Variants in MTMR10 observed in about 807,000 individuals in gnomAD.
The protein encoded by MTMR10 is myotubularin-related protein 10.
A neutral mutation model predicts 88.1 loss-of-function variants in MTMR10; 56 were observed. That is an observed-to-expected ratio of 0.64 (90% CI 0.51 to 0.79). The LOEUF (loss-of-function observed/expected upper bound fraction) is 0.79. Among genes scored for constraint, MTMR10 ranks in the 30% least tolerant of loss-of-function variants. The pLI is 0.00. For missense variants in MTMR10, 883 were observed against 924.7 expected (o/e 0.95, Z 0.58); for synonymous variants, 380 against 340.9 (o/e 1.11, Z -1.26).
intron 2 of MTMR10, among the ~76,000 whole-genome samples, chr15:30,980,417 T>TAGATTAAGAGTTTGAGATAGC (rs1467242382): frequency 2.0e-5 from 3 of 152,194 alleles, no homozygotes; most frequent in Non-Finnish European, 4.4e-5. Flanking sequence ...CCCGAGGGGC[T>TAGATTAAGAGTTTGAGATAGC]AGATTAAGAG....
chr15:30,953,703 A>C, intron 10 of MTMR10, 72 bp from the exon 11 acceptor site: 1 of 975,128 alleles, frequency 1.0e-6, no homozygotes, highest in Non-Finnish European at 1.5e-6. Context: ...AAAGAGATAC[A>C]TCAGTTTCTA....
At chr15:30,956,751 TTAA>T (rs2063333150) in intron 9 of MTMR10, among the ~76,000 whole-genome samples, 2 of 152,252 alleles carry the variant, frequency 1.3e-5, no homozygotes, top group Admixed American at 6.5e-5. Context: ...AATTTTCAGC[TTAA>T]TAAATCACTG....
intron 9 of MTMR10, chr15:30,956,449 T>A (rs1372996560): frequency 6.6e-6 from 1 of 152,164 alleles, no homozygotes; most frequent in African/African-American, 2.4e-5. Context: ...ACAGGCTACT[T>A]TAGGTCACAT....
chr15:30,939,980 A>G lies in MTMR10; in HGVS notation c.*1490T>C. ...CTGTTATATCCAGAGACATTATCAA[A>G]TTTTAAAAGGCAAATAATTCAAAAA... On this transcript the variant is annotated 3_prime_UTR_variant, in exon 16 of 16. Transcript: ENST00000435680. 1 of 980,846 alleles carries G rather than the reference A, an allele frequency of 1.0e-6. No homozygotes were observed. Among genetic ancestry groups the G allele is most frequent in the African/African-American group, 1.7e-5 (1 of 57,270 alleles). The allele number at this position is 980,846 out of a possible 1,614,324, so 60.8% of individuals were successfully genotyped here.
At chr15:30,946,963 C>G in intron 14 of MTMR10, 167 bp downstream of exon 14, 1 of 890,496 alleles carries the variant, frequency 1.1e-6, no homozygotes, top group Non-Finnish European at 1.6e-6. Context: ...AAATAATTTC[C>G]TAGATTTTTG....
chr15:30,960,652 A>AAC (rs2063389009), intron 7 of MTMR10, among the ~76,000 whole-genome samples: 1 of 152,230 alleles, frequency 6.6e-6, no homozygotes, highest in South Asian at 2.1e-4. Context: ...TAATGCAATA[A>AAC]ACACTGACTA....
At chr15:30,935,423 T>C (rs1000544054), downstream of MTMR10, among the ~76,000 whole-genome samples, 4 of 152,168 alleles carry the variant, frequency 2.6e-5, no homozygotes, top group African/African-American at 9.7e-5. Context: ...GATGCAACCA[T>C]GGACTGAAAG....
In MTMR10 at chr15:30,991,428, G is replaced by A. The variant is rs1290737628; in HGVS notation, c.60+19C>T. 8.8e-6 allele frequency: 13 copies of A among 1,476,244 alleles called. No individual in the cohort carries two copies. The Admixed American group carries it at 2.8e-4, about 32-fold the overall frequency. 91.4% of individuals were successfully genotyped at this position (1,476,244 alleles called of 1,614,324 possible). A position where few individuals can be genotyped will look rare whatever the true frequency, so the allele number is the denominator to read the frequency against. On this transcript the variant is annotated intron_variant, in intron 1 of 15. Transcript: ENST00000435680. ...AAGCGCAGAGGAGAGTCGGGCGCTC[G>A]CGGGGAGGGGTTGTTTACCTGGGGC...
rs559025196 is a variant in MTMR10 at position 30,967,459 on chromosome 15, A to G, written c.565+461T>C. On this transcript the variant is annotated intron_variant, in intron 6 of 15. Transcript: ENST00000435680. ...TCATCAGTATTACTCAGAAATAGAA[A>G]CTCAGTATTCTGAGAATCTTAATGA... Among the ~76,000 whole-genome samples the G allele has an allele frequency of 4.6e-5, 7 of 152,294 alleles. No individual in the cohort carries two copies. In the South Asian group the frequency reaches 1.4e-3, roughly 32 times the overall value.
At chr15:30,942,238 G>T in intron 15 of MTMR10, 166 bp from the exon 16 acceptor site, 2 of 869,342 alleles carry the variant, frequency 2.3e-6, no homozygotes, top group East Asian at 2.5e-5. Context: ...TCCTCCCCTG[G>T]AATTACACTT....
In MTMR10 at chr15:30,941,653, G is replaced by A. The variant is rs541383356; in HGVS notation, c.2151C>T (p.Tyr717=). The A allele has an allele frequency of 6.2e-6, 10 of 1,612,204 alleles. No individual in the cohort carries two copies. The South Asian group carries it at 1.1e-4, about 18-fold the overall frequency. ...TGTGGTGAGGGCCGCTGGCGTTGAAGTACATCCTGCTCTGGCCCAGCTCCC... is the reference window on the plus strand; with the variant it reads ...TGTGGTGAGGGCCGCTGGCGTTGAAATACATCCTGCTCTGGCCCAGCTCCC... The part of the protein sequence containing the change: ...CYGELGQSRM[Y]FNASGPHHTD... Residue 717 remains tyrosine, a synonymous_variant, in exon 16 of 16, where the codon TAC becomes TAT. Coordinates refer to ENST00000435680, the MANE Select transcript of MTMR10 (RefSeq NM_017762.3).
intron 6 of MTMR10, among the ~76,000 whole-genome samples, chr15:30,967,164 GAACACAGGCTTCGCTCAGTT>G (rs2063482677): frequency 6.6e-6 from 1 of 152,084 alleles, no homozygotes; most frequent in South Asian, 2.1e-4. Flanking sequence ...TTAAATAAAA[GAACACAGGCTTCGCTCAGTT>G]AACTGACTTG....
At chr15:30,964,354 G>A (rs2063447502) in intron 6 of MTMR10, among the ~76,000 whole-genome samples, 3 of 152,160 alleles carry the variant, frequency 2.0e-5, no homozygotes, top group Admixed American at 6.6e-5. Flanking sequence ...TTATGAGATT[G>A]TTTCTCTGGC....
the MTMR10 span, among the ~76,000 whole-genome samples, chr15:30,923,971 T>C: frequency 1.3e-5 from 2 of 152,326 alleles, no homozygotes; most frequent in African/African-American, 4.8e-5. Flanking sequence ...ACAGAAACAC[T>C]GCAGCCATTA....
Position 30,953,548 on chromosome 15 carries a change from A to T in MTMR10, c.1136+14T>A. 4 of 1,514,738 alleles carry T rather than the reference A, an allele frequency of 2.6e-6. No homozygotes were observed. The highest frequency in any genetic ancestry group is 3.6e-6 in the Non-Finnish European group (4 of 1,119,824). The allele number at this position is 1,514,738 out of a possible 1,614,324, so 93.8% of individuals were successfully genotyped here. On this transcript the variant is annotated intron_variant, in intron 11 of 15. Transcript: ENST00000435680. ...ATAAAAAGTTAAAGGAAAAGAAAGT[A>T]AAGAAGTACAAACCTTACATATTCT... is the stretch of plus-strand genomic sequence containing the variant.
In MTMR10 at chr15:30,940,443, A is replaced by C. The variant is rs149815522; in HGVS notation, c.*1027T>G. 1 of 985,426 alleles carries C rather than the reference A, an allele frequency of 1.0e-6. No individual in the cohort carries two copies. Among genetic ancestry groups the C allele is most frequent in the Non-Finnish European group, 1.2e-6 (1 of 829,942 alleles). 61.0% of individuals were successfully genotyped at this position (985,426 alleles called of 1,614,324 possible). ...TCTCCTCTATTCCTAAGCATTAGGAACTATGAGAGAAGGACATCTGTGCAG... is the reference window on the plus strand; with the variant it reads ...TCTCCTCTATTCCTAAGCATTAGGACCTATGAGAGAAGGACATCTGTGCAG... On this transcript the variant is annotated 3_prime_UTR_variant, in exon 16 of 16. Transcript: ENST00000435680.
chr15:30,937,009 G>GA, downstream of MTMR10: 3 of 820,680 alleles, frequency 3.7e-6, no homozygotes, highest in Non-Finnish European at 4.0e-6. Flanking sequence ...CAAATACAGT[G>GA]AGAGAGCAGA....
intron 13 of MTMR10, 97 bp downstream of exon 13, chr15:30,948,205 A>C (rs893458525): frequency 1.7e-6 from 2 of 1,156,892 alleles, no homozygotes; most frequent in Non-Finnish European, 2.4e-6. Flanking sequence ...GTTGTACTAA[A>C]TACAGTATTT....
chr15:30,957,404 G>T (rs2063342204), intron 9 of MTMR10, among the ~76,000 whole-genome samples: 1 of 152,182 alleles, frequency 6.6e-6, no homozygotes, highest in Non-Finnish European at 1.5e-5. Context: ...CTTATCTTGA[G>T]GAAATGATGT....
Sources: allele counts gnomAD v4.1 joint callset (sites outside exome capture counted in the v4.1 genomes callset), GRCh38; gene constraint gnomAD v4.1.1; transcripts MANE v1.5; gene names NCBI Gene and HGNC (gene_info 2026-07-23, HGNC 2026-07-21).